Variants in EXOC6B observed in about 807,000 individuals in gnomAD.
The protein encoded by EXOC6B is exocyst complex component 6B, also known as SEC15 homolog B.
A neutral mutation model predicts 113.5 loss-of-function variants in EXOC6B; 54 were observed. The ratio of observed to expected loss-of-function variants is 0.48; its 90% CI spans 0.38 to 0.60. EXOC6B has a LOEUF of 0.60. EXOC6B is among the 20% of genes least tolerant of loss of function. The probability of loss-of-function intolerance (pLI) is 0.00; values close to 1 mark genes in which losing one functional copy is unlikely to be tolerated. For synonymous variants in EXOC6B, 357 were observed against 339.0 expected, an observed-to-expected ratio of 1.05 and a Z score of -0.58; for missense variants, 797 against 977.5, an observed-to-expected ratio of 0.82 and a Z score of 2.46.
At chr2:72,809,465 G>A (rs1267974136) in intron 1 of EXOC6B, among the ~76,000 whole-genome samples, 1 of 151,438 alleles carries the variant, frequency 6.6e-6, no homozygotes, top group Non-Finnish European at 1.5e-5. Context: ...TCAGAACAAA[G>A]AAAATTATCA....
chr2:72,560,940 T>C (rs1703854553), intron 7 of EXOC6B, among the ~76,000 whole-genome samples: 1 of 151,598 alleles, frequency 6.6e-6, no homozygotes, highest in Non-Finnish European at 1.5e-5. Flanking sequence ...AACAATAGGA[T>C]TAAATAGCAT....
intron 19 of EXOC6B, among the ~76,000 whole-genome samples, chr2:72,368,477 C>A (rs1168749742): frequency 3.9e-5 from 6 of 152,076 alleles, no homozygotes; most frequent in Non-Finnish European, 5.9e-5. Flanking sequence ...CTATTCCAAT[C>A]AATAGAAAAA....
intron 20 of EXOC6B, among the ~76,000 whole-genome samples, chr2:72,317,216 G>A (rs1687571383): frequency 6.6e-6 from 1 of 151,522 alleles, no homozygotes; most frequent in Admixed American, 6.6e-5. Flanking sequence ...GTCATCAATA[G>A]CAAGGGCATA....
Position 72,480,880 on chromosome 2 carries a change from G to C in EXOC6B, c.1666-130C>G, listed in dbSNP as rs878882032. 1.1e-5 allele frequency: 10 copies of C among 892,978 alleles called. No homozygotes were observed. In the Admixed American group the frequency reaches 2.4e-4, roughly 22 times the overall value. 55.3% of individuals were successfully genotyped at this position (892,978 alleles called of 1,614,324 possible). On this transcript the variant is annotated intron_variant, in intron 16 of 21. Coordinates refer to ENST00000272427, the MANE Select transcript of EXOC6B (RefSeq NM_015189.3). ...AAGGCCATCCACATTCGGGCAAGGGGTATGTTAAAGCATGGGCTTTCATGT... is the reference window on the plus strand; with the variant it reads ...AAGGCCATCCACATTCGGGCAAGGGCTATGTTAAAGCATGGGCTTTCATGT...
chr2:72,757,619 T>C (rs778811522), intron 1 of EXOC6B, among the ~76,000 whole-genome samples: 2 of 152,218 alleles, frequency 1.3e-5, no homozygotes, highest in South Asian at 2.1e-4. Flanking sequence ...TGTGGGCCCA[T>C]GATTTTCATA....
intron 20 of EXOC6B, among the ~76,000 whole-genome samples, chr2:72,302,711 A>G (rs1015575935): frequency 2.0e-5 from 3 of 151,810 alleles, no homozygotes; most frequent in African/African-American, 7.3e-5. Flanking sequence ...TTTTGAGCCT[A>G]TGGGTGTCAC....
intron 20 of EXOC6B, among the ~76,000 whole-genome samples, chr2:72,268,957 T>G (rs1362024455): frequency 1.3e-5 from 2 of 152,162 alleles, no homozygotes; most frequent in Admixed American, 6.6e-5. Flanking sequence ...CCTCAGGTAT[T>G]TCTTTATAGC....
chr2:72,330,053 T>C (rs1688341456), intron 20 of EXOC6B, among the ~76,000 whole-genome samples: 1 of 152,036 alleles, frequency 6.6e-6, no homozygotes, highest in African/African-American at 2.4e-5. Context: ...ATTCGCGAGA[T>C]CTGATGCAAT....
intron 20 of EXOC6B, among the ~76,000 whole-genome samples, chr2:72,259,394 T>C (rs910227276): frequency 6.6e-6 from 1 of 152,262 alleles, no homozygotes; most frequent in African/African-American, 2.4e-5. Context: ...TAGTATTCAA[T>C]TGTATGTATA....
intron 8 of EXOC6B, among the ~76,000 whole-genome samples, chr2:72,546,148 G>A (rs1309504930): frequency 1.3e-5 from 2 of 152,096 alleles, no homozygotes; most frequent in Non-Finnish European, 2.9e-5. Flanking sequence ...ATGGCCATAA[G>A]GGACTATAAA....
rs34358568 is a variant in EXOC6B, at chr2:72,767,808, T to TAAAAAAAA, written c.114-26347_114-26340dup. Among the ~76,000 whole-genome samples, 70 of 12,690 alleles carry TAAAAAAAA rather than the reference T, an allele frequency of 5.5e-3. 6 individuals are homozygous for TAAAAAAAA. The highest frequency in any genetic ancestry group is 9.4e-3 in the South Asian group (2 of 212). The allele number at this position is 12,690 out of a possible 152,430, so 8.3% of individuals were successfully genotyped here. On this transcript the variant is annotated intron_variant, in intron 1 of 21. Transcript: ENST00000272427. ...AGCCTGGGAGACACAGAGACCTTGT[T>TAAAAAAAA]AAAAAAAAAAAAAAAAAAAAAAAAA...
intron 1 of EXOC6B, among the ~76,000 whole-genome samples, chr2:72,783,816 T>C (rs967172296): frequency 2.0e-5 from 3 of 152,332 alleles, no homozygotes; most frequent in Admixed American, 2.0e-4. Context: ...CTGCTGACCA[T>C]TTCCTTTGCT....
At chr2:72,288,186 T>A (rs1196339126) in intron 20 of EXOC6B, among the ~76,000 whole-genome samples, 2 of 152,184 alleles carry the variant, frequency 1.3e-5, no homozygotes, top group Non-Finnish European at 2.9e-5. Context: ...TAATACCATG[T>A]GTTTTGGGGA....
At chr2:72,273,438 A>G (rs1684620189) in intron 20 of EXOC6B, among the ~76,000 whole-genome samples, 1 of 152,170 alleles carries the variant, frequency 6.6e-6, no homozygotes, top group Non-Finnish European at 1.5e-5. Flanking sequence ...TAGAGGAGAC[A>G]TACAGGCAAA....
intron 1 of EXOC6B, among the ~76,000 whole-genome samples, chr2:72,810,336 AAAATAAATAAATAAAT>A (rs150111513): frequency 0.01 from 1,452 of 140,300 alleles, 5 homozygotes; most frequent in Middle Eastern, 0.032. Context: ...CCTTGTCTCT[AAAATAAATAAATAAAT>A]AAATAAATAA....
chr2:72,768,065 T>A (rs1683197654), intron 1 of EXOC6B, among the ~76,000 whole-genome samples: 1 of 139,520 alleles, frequency 7.2e-6, no homozygotes, highest in African/African-American at 2.6e-5. Context: ...TACAGTGAGT[T>A]GAGATCATGC....
At chr2:72,306,578 C>T (rs1026331441) in intron 20 of EXOC6B, among the ~76,000 whole-genome samples, 12 of 152,218 alleles carry the variant, frequency 7.9e-5, no homozygotes, top group Middle Eastern at 3.4e-3. Context: ...AAAATAGTAA[C>T]GGTGCAGCTA....
At position 72,618,410 on chromosome 2, in the gene EXOC6B, T is replaced by C. The variant is rs573981617; in HGVS notation, c.670-42742A>G. Among the ~76,000 whole-genome samples the C allele has an allele frequency of 2.0e-4, 31 of 152,182 alleles. No individual in the cohort carries two copies. In the South Asian group the frequency reaches 2.7e-3, roughly 13 times the overall value. The stretch of plus-strand genomic sequence containing the variant: ...AAAGAAAAGAAATCCCTTCATATTA[T>C]TGTGTTCTGAGAAAAAGCTAACCAC... On this transcript the variant is annotated intron_variant, in intron 6 of 21. Transcript: ENST00000272427.
chr2:72,468,374 G>GT (rs1698188608), intron 17 of EXOC6B, among the ~76,000 whole-genome samples: 1 of 152,108 alleles, frequency 6.6e-6, no homozygotes, highest in Non-Finnish European at 1.5e-5. Context: ...TGGATATCCA[G>GT]TTTTCTCAAC....
Sources: gnomAD v4.1 joint callset for allele counts (sites outside exome capture counted in the v4.1 genomes callset) on GRCh38, gnomAD v4.1.1 for gene constraint, MANE v1.5 for transcripts, NCBI Gene and HGNC (gene_info 2026-07-23, HGNC 2026-07-21) for gene names.